Variants in PLEKHG1 observed in about 807,000 individuals in gnomAD.
The protein encoded by PLEKHG1 is pleckstrin homology domain-containing family G member 1.
PLEKHG1 carries 44 observed loss-of-function variants against 100.8 expected under a neutral mutation model. That is an observed-to-expected ratio of 0.44 (90% confidence interval 0.34 to 0.56). The LOEUF (loss-of-function observed/expected upper bound fraction) is 0.56. Among genes scored for constraint, PLEKHG1 ranks in the 20% least tolerant of loss-of-function variants. The pLI, the probability that PLEKHG1 is intolerant of heterozygous loss-of-function variation, is 0.01. For missense variants in PLEKHG1, 1,545 were observed against 1,720.9 expected (o/e 0.90, Z 1.81); for synonymous variants, 640 against 662.5 (o/e 0.97, Z 0.52).
chr6:150,744,337 G>A (rs1419312769), intron 2 of PLEKHG1, among the ~76,000 whole-genome samples: 6 of 152,200 alleles, frequency 3.9e-5, no homozygotes, highest in Non-Finnish European at 8.8e-5. Flanking sequence ...GCCTCCCAAA[G>A]TGTTGGGATT....
At chr6:150,669,533 G>A (rs1291480003) in intron 3 of PLEKHG1, among the ~76,000 whole-genome samples, 1 of 151,036 alleles carries the variant, frequency 6.6e-6, no homozygotes, top group Admixed American at 6.6e-5. Context: ...CGATGTCAAA[G>A]TTACTGGAAC....
chr6:150,633,557 G>GCTGC (rs1777853187), intron 1 of PLEKHG1, among the ~76,000 whole-genome samples: 1 of 152,216 alleles, frequency 6.6e-6, no homozygotes, highest in Non-Finnish European at 1.5e-5. Flanking sequence ...CATAAGTCTG[G>GCTGC]AGGCTTTGGC....
At chr6:150,624,273 C>T (rs528711409) in intron 1 of PLEKHG1, among the ~76,000 whole-genome samples, 2 of 152,288 alleles carry the variant, frequency 1.3e-5, no homozygotes, top group African/African-American at 4.8e-5. Flanking sequence ...GCTGCCTTCG[C>T]TCAGGGGCCC....
At chr6:150,748,647 CT>C (rs1366753202) in intron 2 of PLEKHG1, among the ~76,000 whole-genome samples, 1 of 123,902 alleles carries the variant, frequency 8.1e-6, no homozygotes, top group Non-Finnish European at 1.6e-5. Context: ...GAGACGGAGT[CT>C]TGCTCTGTCA....
chr6:150,715,171 G>A (rs751545804), intron 3 of PLEKHG1, among the ~76,000 whole-genome samples: 1 of 152,062 alleles, frequency 6.6e-6, no homozygotes, highest in African/African-American at 2.4e-5. Context: ...TTGAAAAAAG[G>A]CCTTTAGAAA....
intron 3 of PLEKHG1, among the ~76,000 whole-genome samples, chr6:150,774,887 ATT>A (rs926927102): frequency 4.6e-5 from 7 of 151,810 alleles, no homozygotes; most frequent in African/African-American, 1.7e-4. Flanking sequence ...ATTAAAAAAA[ATT>A]TTTTTTCAGA....
intron 3 of PLEKHG1, among the ~76,000 whole-genome samples, chr6:150,713,273 A>G (rs1409721934): frequency 6.6e-6 from 1 of 152,084 alleles, no homozygotes; most frequent in African/African-American, 2.4e-5. Flanking sequence ...TGCCTTCTTT[A>G]GTTGAAAAAA....
At chr6:150,828,337 C>A in intron 14 of PLEKHG1, 2 of 1,611,456 alleles carry the variant, frequency 1.2e-6, no homozygotes, top group Non-Finnish European at 1.7e-6. Flanking sequence ...CTCCTCAGTG[C>A]GGCGCTCTGT....
intron 3 of PLEKHG1, among the ~76,000 whole-genome samples, chr6:150,702,557 G>GGTGGGTGTGT (rs1554261635): frequency 7.4e-4 from 106 of 142,916 alleles, no homozygotes; most frequent in African/African-American, 2.7e-3. Context: ...TTTGTTTTGG[G>GGTGGGTGTGT]GTGTGTGTGT....
intron 3 of PLEKHG1, among the ~76,000 whole-genome samples, chr6:150,776,217 G>T (rs578174153): frequency 3.2e-4 from 49 of 152,316 alleles, no homozygotes; most frequent in African/African-American, 1.1e-3. Context: ...TGTTTTAACC[G>T]TCCTACTCAA....
chr6:150,832,365 C>T (rs1201489149), intron 15 of PLEKHG1, among the ~76,000 whole-genome samples, 160 bp downstream of exon 16: 4 of 152,218 alleles, frequency 2.6e-5, no homozygotes, highest in African/African-American at 9.6e-5. Flanking sequence ...GCCTTTCTCA[C>T]ATCGCCTCCT....
intron 3 of PLEKHG1, among the ~76,000 whole-genome samples, chr6:150,679,038 A>G (rs1377335964): frequency 6.6e-6 from 1 of 152,176 alleles, no homozygotes; most frequent in Non-Finnish European, 1.5e-5. Flanking sequence ...TTAATGAGCA[A>G]TTTTCTACAA....
chr6:150,685,499 T>C (rs1384823167), intron 3 of PLEKHG1, among the ~76,000 whole-genome samples: 3 of 152,174 alleles, frequency 2.0e-5, no homozygotes. Flanking sequence ...CATCAAGGGC[T>C]GCCCCTCTGA....
intron 5 of PLEKHG1, among the ~76,000 whole-genome samples, chr6:150,798,234 C>T (rs1204020380): frequency 1.3e-5 from 2 of 152,028 alleles, no homozygotes; most frequent in Non-Finnish European, 2.9e-5. Flanking sequence ...AAAACTTCTT[C>T]CTTAGGGAAG....
intron 3 of PLEKHG1, among the ~76,000 whole-genome samples, chr6:150,777,001 G>C (rs1053973022): frequency 9.3e-5 from 14 of 151,056 alleles, no homozygotes; most frequent in African/African-American, 2.7e-4. Flanking sequence ...GGCAATCCTG[G>C]TGCACATGTG....
chr6:150,644,214 A>G (rs916836057), intron 2 of PLEKHG1, among the ~76,000 whole-genome samples: 1 of 152,126 alleles, frequency 6.6e-6, no homozygotes, highest in African/African-American at 2.4e-5. Context: ...TTATAGCCAA[A>G]GAATTATATG....
intron 10 of PLEKHG1, among the ~76,000 whole-genome samples, chr6:150,812,125 T>G (rs712212): frequency 7.2e-4 from 110 of 151,946 alleles, no homozygotes; most frequent in African/African-American, 2.5e-3. Context: ...GAGAGGAACC[T>G]GTGAGATGGG....
chr6:150,744,895 A>G (rs1783071428), intron 2 of PLEKHG1, among the ~76,000 whole-genome samples: 1 of 152,206 alleles, frequency 6.6e-6, no homozygotes, highest in Non-Finnish European at 1.5e-5. Context: ...GCAAGAATGC[A>G]TGATCTGAAA....
In PLEKHG1 at chr6:150,748,520, G is replaced by T. The variant is rs893044612; in HGVS notation, c.411+14428G>T. 2.0e-5 allele frequency among the ~76,000 whole-genome samples: 3 copies of T among 151,680 alleles called. No homozygotes were observed. In the South Asian group the frequency reaches 6.2e-4, roughly 31 times the overall value. On this transcript the variant is annotated intron_variant, in intron 2 of 15. Transcript: ENST00000358517. ...TTGCTGAGTAAATTTTCTAGTATTT[G>T]CTGTCATTTTTATACACAAGGAAAT...
Sources: gnomAD v4.1 joint callset for allele counts (sites outside exome capture counted in the v4.1 genomes callset) on GRCh38, gnomAD v4.1.1 for gene constraint, MANE v1.5 for transcripts, NCBI Gene and HGNC (gene_info 2026-07-23, HGNC 2026-07-21) for gene names.